Variants in ETS1 observed in about 807,000 individuals in gnomAD.
ETS1 encodes ETS proto-oncogene 1, transcription factor, also known as protein C-ets-1.
In ETS1, 15 loss-of-function variants were observed where a neutral mutation model predicts 58.6. That is an observed-to-expected ratio of 0.26 (90% CI 0.17 to 0.39). ETS1 has a LOEUF of 0.39. Among genes scored for constraint, ETS1 ranks in the 10% least tolerant of loss-of-function variants. ETS1 has a pLI of 1.00. For synonymous variants in ETS1, 214 were observed against 218.2 expected, an observed-to-expected ratio of 0.98 and a Z score of 0.17; for missense variants, 417 against 610.5, an observed-to-expected ratio of 0.68 and a Z score of 3.34.
chr11:128,537,215 G>C (rs1196474986), intron 3 of ETS1, among the ~76,000 whole-genome samples: 2 of 152,082 alleles, frequency 1.3e-5, no homozygotes, highest in African/African-American at 2.4e-5. Flanking sequence ...CTCCTGCCAA[G>C]TCTTTAGTCG....
intron 7 of ETS1, 66 bp from the exon 8 acceptor site, chr11:128,480,517 T>A: frequency 2.7e-6 from 3 of 1,104,538 alleles, no homozygotes; most frequent in Non-Finnish European, 4.0e-6. Flanking sequence ...AAAAAAACTG[T>A]AAAAACCCTC....
At chr11:128,538,785 C>G (rs942448151) in intron 3 of ETS1, among the ~76,000 whole-genome samples, 1 of 148,254 alleles carries the variant, frequency 6.7e-6, no homozygotes, top group African/African-American at 2.5e-5. Flanking sequence ...CACACACACA[C>G]ACACACCAAA....
In ETS1 at chr11:128,585,122, AAG is replaced by A. The variant is rs1292868520; in HGVS notation, c.-15+2364_-15+2365del. 3.4e-4 allele frequency among the ~76,000 whole-genome samples: 7 copies of A among 20,794 alleles called. 1 individual carries two copies. Among genetic ancestry groups the A allele is most frequent in the Admixed American group, 5.1e-4 (1 of 1,970 alleles). 13.6% of individuals were successfully genotyped at this position (20,794 alleles called of 152,430 possible). A position where few individuals can be genotyped will look rare whatever the true frequency, so the allele number is the denominator to read the frequency against. On this transcript the variant is annotated intron_variant, in intron 1 of 9. Transcript: ENST00000392668. ...AAGAAAGGAAGGAAGGAAGGAAAGA[AAG>A]AAGAAAGAAAGAAAAGAAAGAAAGA...
chr11:128,559,515 T>C (rs1283436684), intron 2 of ETS1, among the ~76,000 whole-genome samples: 2 of 152,204 alleles, frequency 1.3e-5, no homozygotes, highest in Non-Finnish European at 2.9e-5. Flanking sequence ...AAACCCTCTG[T>C]ATATTTTTAA....
chr11:128,476,836 A>C (rs1323670110), intron 8 of ETS1, among the ~76,000 whole-genome samples: 1 of 152,276 alleles, frequency 6.6e-6, no homozygotes, highest in Non-Finnish European at 1.5e-5. Flanking sequence ...GTAAGAAGGT[A>C]CATTTTGGCG....
intron 5 of ETS1, among the ~76,000 whole-genome samples, chr11:128,487,371 G>C (rs113209622): frequency 0.034 from 5,171 of 152,238 alleles, 289 homozygotes; most frequent in African/African-American, 0.12. Flanking sequence ...ACCAGTCTTA[G>C]CGGCCAGAAG....
chr11:128,585,046 AAGAAAGAAAG>A (rs1864965057), intron 1 of ETS1, among the ~76,000 whole-genome samples: 1 of 23,230 alleles, frequency 4.3e-5, no homozygotes. Flanking sequence ...GAAAGAAAGA[AAGAAAGAAAG>A]AAAGAAAGAA....
intron 8 of ETS1, among the ~76,000 whole-genome samples, chr11:128,479,782 G>A (rs958143705): frequency 6.6e-6 from 1 of 152,086 alleles, no homozygotes; most frequent in Non-Finnish European, 1.5e-5. Context: ...AGGCCATTCA[G>A]TTGTGCCTTT....
intron 3 of ETS1, among the ~76,000 whole-genome samples, chr11:128,543,141 C>T (rs1030573059): frequency 2.6e-5 from 4 of 151,320 alleles, no homozygotes; most frequent in Non-Finnish European, 5.9e-5. Flanking sequence ...TGCAGTGAGC[C>T]CAGATCGTGC....
chr11:128,494,965 C>A (rs1862899851), intron 3 of ETS1, among the ~76,000 whole-genome samples: 1 of 152,188 alleles, frequency 6.6e-6, no homozygotes. Flanking sequence ...TGGGTATGGT[C>A]ACACTCAATA....
At chr11:128,493,576 C>T (rs1427431655) in intron 3 of ETS1, among the ~76,000 whole-genome samples, 2 of 152,202 alleles carry the variant, frequency 1.3e-5, no homozygotes, top group Non-Finnish European at 2.9e-5. Flanking sequence ...GGAAACCATC[C>T]CTGTCCACTT....
At chr11:128,577,915 C>CAAA (rs543543374) in intron 1 of ETS1, among the ~76,000 whole-genome samples, 9 of 133,742 alleles carry the variant, frequency 6.7e-5, no homozygotes, top group African/African-American at 8.4e-5. Flanking sequence ...GCCAAAAAGC[C>CAAA]AAAAAAAAAA....
chr11:128,482,956 C>T (rs141106761), intron 7 of ETS1, among the ~76,000 whole-genome samples: 5 of 152,288 alleles, frequency 3.3e-5, no homozygotes, highest in East Asian at 1.9e-4. Context: ...GCACTCTGTA[C>T]GCTGTAATGC....
rs554976351 is a variant in ETS1 at position 128,480,355 on chromosome 11, C to T, written c.959G>A (p.Ser320Asn). ...GTCATAGGAGGGAACACGCTGCAGG[C>T]TGTTGAAAGATGACTGGCTGCTCCA... is the stretch of plus-strand genomic sequence containing the variant. ...QSWSSQSSFN[S>N]LQRVPSYDSF... Residue 320 changes from serine to asparagine, a missense_variant, in exon 8 of 10, where the codon AGC becomes AAC. This residue lies in a region of ETS1 where 139 missense variants were observed against 152.1 expected (regional missense o/e 0.91). Transcript: ENST00000392668. 6.2e-7 allele frequency: 1 copy of T among 1,614,072 alleles called. No homozygotes were observed. Among genetic ancestry groups the T allele is most frequent in the South Asian group, 1.1e-5 (1 of 91,080 alleles).
chr11:128,522,419 A>G (rs1044979108), intron 3 of ETS1: 2 of 908,558 alleles, frequency 2.2e-6, no homozygotes, highest in Non-Finnish European at 2.6e-6. Flanking sequence ...GGGCCGGGCG[A>G]TGTCCGCTTG....
At chr11:128,477,899 T>C (rs957595086) in intron 8 of ETS1, among the ~76,000 whole-genome samples, 5 of 152,180 alleles carry the variant, frequency 3.3e-5, no homozygotes, top group Non-Finnish European at 7.3e-5. Flanking sequence ...TTTAATTCAA[T>C]TACACTTTCA....
intron 3 of ETS1, among the ~76,000 whole-genome samples, chr11:128,495,793 C>T (rs990950755): frequency 8.5e-5 from 13 of 152,182 alleles, no homozygotes; most frequent in African/African-American, 2.7e-4. Flanking sequence ...ATTTCACATA[C>T]GCCATTAGTG....
At position 128,463,791 on chromosome 11, in the gene ETS1, G is replaced by C; in HGVS notation, c.1124-164C>G. 2.0e-6 allele frequency: 1 copy of C among 511,080 alleles called. No homozygotes were observed. Among genetic ancestry groups the C allele is most frequent in the Non-Finnish European group, 3.6e-6 (1 of 281,540 alleles). 31.7% of individuals were successfully genotyped at this position (511,080 alleles called of 1,614,324 possible). ...ATGTCGGAGGAAGTGTTATGAGCTC[G>C]AACAGATAGAAAAGACAAAGGCCTC... On this transcript the variant is annotated intron_variant, in intron 8 of 9. Coordinates refer to ENST00000392668, the MANE Select transcript of ETS1 (RefSeq NM_001143820.2). The surrounding 1 kb of genome is among the most constrained non-coding windows in gnomAD (Gnocchi z 4.1).
chr11:128,556,339 C>T lies in ETS1; in HGVS notation c.166G>A (p.Glu56Lys), dbSNP rs755593503. The T allele has an allele frequency of 2.5e-6, 4 of 1,613,638 alleles. No homozygotes were observed. The highest frequency in any genetic ancestry group is 2.5e-6 in the Non-Finnish European group (3 of 1,179,692). Residue 56 changes from glutamate (E) to lysine (K), a missense_variant, in exon 3 of 10, where the codon GAG becomes AAG. Physicochemically the swap from Glu to Lys is moderately conservative, Grantham distance 56. This residue lies in a region of ETS1 where 90 missense variants were observed against 90.3 expected (regional missense o/e 1.00). Transcript: ENST00000392668. ...GTAGGAACTTCCTGAGTTGCCATCTCATCCCAAAAGGGGTAGCAAGGTCTT... is the reference window on the plus strand; with the variant it reads ...GTAGGAACTTCCTGAGTTGCCATCTTATCCCAAAAGGGGTAGCAAGGTCTT... ...QQRPCYPFWD[E>K]MATQEVPTGL... is the part of the protein sequence containing the mutation.
Sources: gnomAD v4.1 joint callset for allele counts (sites outside exome capture counted in the v4.1 genomes callset) on GRCh38, gnomAD v4.1.1 for gene constraint, gnomAD v4.1.1 regional missense constraint, Gnocchi (gnomAD v3.1) non-coding constraint, MANE v1.5 for transcripts, NCBI Gene and HGNC (gene_info 2026-07-23, HGNC 2026-07-21) for gene names.